PTPRM: variants seen among roughly 807,000 people sequenced by gnomAD.
PTPRM encodes receptor-type tyrosine-protein phosphatase mu.
A neutral mutation model predicts 186.7 loss-of-function variants in PTPRM; 47 were observed. That is an observed-to-expected ratio of 0.25 (90% CI 0.20 to 0.32). The LOEUF is 0.32. Ranked by LOEUF, PTPRM falls within the 10% of genes least tolerant of loss-of-function variation. PTPRM has a pLI of 1.00. For missense variants in PTPRM, 1,494 were observed against 1,865.0 expected, an observed-to-expected ratio of 0.80 and a Z score of 3.66; for synonymous variants, 668 against 674.9, an observed-to-expected ratio of 0.99 and a Z score of 0.16.
chr18:7,782,212 C>A (rs2042891090), intron 2 of PTPRM, among the ~76,000 whole-genome samples: 1 of 152,158 alleles, frequency 6.6e-6, no homozygotes, highest in African/African-American at 2.4e-5. Context: ...TGTGCGTGGA[C>A]ACCATGTGCC....
chr18:8,280,791 T>A (rs530027926), intron 19 of PTPRM, among the ~76,000 whole-genome samples: 14 of 152,222 alleles, frequency 9.2e-5, no homozygotes, highest in African/African-American at 3.4e-4. Flanking sequence ...GGCTGTGCAG[T>A]GATTAAAAGA....
chr18:7,749,491 GT>G (rs1473801685), intron 1 of PTPRM: 20 of 152,240 alleles, frequency 1.3e-4, no homozygotes, highest in African/African-American at 4.3e-4. Flanking sequence ...AGCCACTAAC[GT>G]TTTTATTTTA....
chr18:8,049,789 G>T lies in PTPRM; in HGVS notation c.1133-19897G>T, dbSNP rs2087340994. Among the ~76,000 whole-genome samples, 3 of 150,704 alleles carry T rather than the reference G, an allele frequency of 2.0e-5. No homozygotes were observed. In the South Asian group the frequency reaches 6.3e-4, roughly 32 times the overall value. ...TGCAGTGGCGCAGTCTCAGCTCACT[G>T]CAACCCCCGCCTCTCAGGTTCATGT... On this transcript the variant is annotated intron_variant, in intron 7 of 32. Coordinates refer to ENST00000580170, the MANE Select transcript of PTPRM (RefSeq NM_001105244.2).
At position 8,233,282 on chromosome 18, in the gene PTPRM, C is replaced by T. The variant is rs548353339; in HGVS notation, c.2301-10776C>T. On this transcript the variant is annotated intron_variant, in intron 14 of 32. Coordinates refer to ENST00000580170, the MANE Select transcript of PTPRM (RefSeq NM_001105244.2). Reference sequence around the variant, plus strand: ...TGGCTATGTCCTTTTGCATTCCTATCAACAATGAATGAGGAGTCTTGTTGC... The same window carrying T: ...TGGCTATGTCCTTTTGCATTCCTATTAACAATGAATGAGGAGTCTTGTTGC... Among the ~76,000 whole-genome samples the T allele has an allele frequency of 2.1e-4, 32 of 152,332 alleles. No homozygotes were observed. The South Asian group carries it at 6.4e-3, about 31-fold the overall frequency.
intron 22 of PTPRM, among the ~76,000 whole-genome samples, chr18:8,339,414 C>A (rs185419452): frequency 1.3e-5 from 2 of 152,252 alleles, no homozygotes; most frequent in Middle Eastern, 3.4e-3. Context: ...CATCTGTAAA[C>A]GCACCACCAC....
At chr18:8,079,283 A>G (rs1271643796) in intron 9 of PTPRM, among the ~76,000 whole-genome samples, 1 of 151,980 alleles carries the variant, frequency 6.6e-6, no homozygotes, top group African/African-American at 2.4e-5. Flanking sequence ...CCTCCACCTC[A>G]GTCATTTAAT....
intron 1 of PTPRM, among the ~76,000 whole-genome samples, chr18:7,687,337 C>T (rs1453225639): frequency 6.6e-6 from 1 of 151,956 alleles, no homozygotes; most frequent in Non-Finnish European, 1.5e-5. Context: ...CATAAAACCA[C>T]CAGGGAAATT....
At chr18:7,887,436 C>T (rs1599296189) in intron 2 of PTPRM, among the ~76,000 whole-genome samples, 1 of 152,170 alleles carries the variant, frequency 6.6e-6, no homozygotes, top group African/African-American at 2.4e-5. Flanking sequence ...AACACCTCCA[C>T]TGTCAAGGAG....
chr18:7,984,946 T>G (rs550484440), intron 7 of PTPRM, among the ~76,000 whole-genome samples: 4 of 120,306 alleles, frequency 3.3e-5, no homozygotes, highest in Admixed American at 9.4e-5. Context: ...TACATATATA[T>G]ACATATATAA....
At chr18:7,980,736 T>A (rs1016148966) in intron 7 of PTPRM, among the ~76,000 whole-genome samples, 2 of 152,106 alleles carry the variant, frequency 1.3e-5, no homozygotes, top group African/African-American at 4.8e-5. Flanking sequence ...TAAGCAAAAA[T>A]GGACAGTGAG....
intron 1 of PTPRM, among the ~76,000 whole-genome samples, chr18:7,683,277 C>T (rs2039521554): frequency 6.6e-6 from 1 of 151,290 alleles, no homozygotes; most frequent in Admixed American, 6.6e-5. Flanking sequence ...GCCATCCATC[C>T]TCCCTCCTCA....
chr18:8,346,352 G>A (rs2095505055), intron 23 of PTPRM, among the ~76,000 whole-genome samples: 1 of 152,210 alleles, frequency 6.6e-6, no homozygotes, highest in South Asian at 2.1e-4. Flanking sequence ...TCTGCTTCTG[G>A]TGCAGGCCCT....
chr18:7,950,729 C>T (rs905755953), intron 6 of PTPRM, among the ~76,000 whole-genome samples: 1 of 152,164 alleles, frequency 6.6e-6, no homozygotes, highest in Non-Finnish European at 1.5e-5. Context: ...GGATAAACTT[C>T]TCTCTGGTCC....
At chr18:7,626,747 C>T (rs2038071879) in intron 1 of PTPRM, among the ~76,000 whole-genome samples, 1 of 152,176 alleles carries the variant, frequency 6.6e-6, no homozygotes, top group Non-Finnish European at 1.5e-5. Context: ...GGCTGGAGTG[C>T]AGTGGTGCAA....
chr18:7,974,417 A>C (rs912616197), intron 7 of PTPRM, among the ~76,000 whole-genome samples: 19 of 152,234 alleles, frequency 1.2e-4, no homozygotes, highest in African/African-American at 4.6e-4. Flanking sequence ...GAGCAGTTGT[A>C]GAGAAGAGGT....
intron 1 of PTPRM, among the ~76,000 whole-genome samples, chr18:7,773,491 A>G (rs2042423552): frequency 1.3e-5 from 2 of 151,268 alleles, no homozygotes; most frequent in South Asian, 4.2e-4. Flanking sequence ...TGCAAGAGCA[A>G]TTTTTCAAAT....
chr18:8,368,190 C>G (rs1266141506), intron 23 of PTPRM, among the ~76,000 whole-genome samples: 3 of 151,138 alleles, frequency 2.0e-5, no homozygotes, highest in Non-Finnish European at 4.4e-5. Flanking sequence ...ACAGAAGAAT[C>G]TAGTATGTCC....
intron 19 of PTPRM, among the ~76,000 whole-genome samples, chr18:8,288,535 C>CT (rs1321463115): frequency 6.6e-5 from 10 of 152,332 alleles, no homozygotes; most frequent in Admixed American, 5.2e-4. Context: ...AAATCATCTC[C>CT]TTTTTGGAGC....
intron 14 of PTPRM, among the ~76,000 whole-genome samples, chr18:8,155,956 A>G (rs1278948275): frequency 6.6e-6 from 1 of 152,260 alleles, no homozygotes; most frequent in East Asian, 1.9e-4. Context: ...ATGTGGCTTT[A>G]ATATGCAGTC....
Sources: gnomAD v4.1 joint callset for allele counts (sites outside exome capture counted in the v4.1 genomes callset) on GRCh38, gnomAD v4.1.1 for gene constraint, MANE v1.5 for transcripts, NCBI Gene and HGNC (gene_info 2026-07-23, HGNC 2026-07-21) for gene names.